PACRG: variants seen among roughly 807,000 people sequenced by gnomAD.
PACRG encodes parkin coregulated, also known as parkin coregulated gene protein.
Under a neutral mutation model 29.7 loss-of-function variants are expected in PACRG, and 29 were observed. That is an observed-to-expected ratio of 0.98 (90% CI 0.73 to 1.33). The LOEUF (loss-of-function observed/expected upper bound fraction) is 1.33. PACRG is among the 40% of genes most tolerant of loss of function. PACRG has a pLI of 0.00. For missense variants in PACRG, 279 were observed against 316.2 expected (o/e 0.88, Z 0.89); for synonymous variants, 116 against 118.7 (o/e 0.98, Z 0.15).
At chr6:162,776,999 G>A (rs185708191) in intron 1 of PACRG, among the ~76,000 whole-genome samples, 1 of 151,902 alleles carries the variant, frequency 6.6e-6, no homozygotes, top group African/African-American at 2.4e-5. Flanking sequence ...TCAGGTGCTG[G>A]GTGCACCTGA....
intron 2 of PACRG, among the ~76,000 whole-genome samples, chr6:162,874,895 A>G: frequency 6.6e-6 from 1 of 152,052 alleles, no homozygotes; most frequent in Non-Finnish European, 1.5e-5. Context: ...ACACACTTAC[A>G]TAAACATTCA....
chr6:163,297,772 G>T (rs539388033), intron 4 of PACRG, among the ~76,000 whole-genome samples: 33 of 152,294 alleles, frequency 2.2e-4, no homozygotes, highest in Admixed American at 5.9e-4. Flanking sequence ...ACCCAGAAGT[G>T]TGAGTTCTTG....
rs112325843 is a variant in PACRG at position 163,277,483 on chromosome 6, G to GTATATATA, written c.614-37339_614-37332dup. 7.5e-3 allele frequency among the ~76,000 whole-genome samples: 1,066 copies of GTATATATA among 142,144 alleles called. 8 individuals carry two copies. The highest frequency in any genetic ancestry group is 0.018 in the African/African-American group (694 of 37,974). The allele number at this position is 142,144 out of a possible 152,430, so 93.3% of individuals were successfully genotyped here. A position where few individuals can be genotyped will look rare whatever the true frequency, so the allele number is the denominator to read the frequency against. On this transcript the variant is annotated intron_variant, in intron 4 of 4. Coordinates refer to ENST00000366888, the MANE Select transcript of PACRG (RefSeq NM_001080379.2). Reference sequence around the variant, plus strand: ...TATCTCATGGTGTGTGTGTATGTGTGTATATATATATACACACATACACAC... The same window carrying GTATATATA: ...TATCTCATGGTGTGTGTGTATGTGTGTATATATATATATATATATACACACATACACAC...
intron 2 of PACRG, among the ~76,000 whole-genome samples, chr6:162,971,783 G>C (rs183021047): frequency 6.6e-6 from 1 of 152,146 alleles, no homozygotes; most frequent in African/African-American, 2.4e-5. Context: ...GGATCTCTGC[G>C]ATCAAGCCCT....
At chr6:163,025,316 G>T (rs914492718) in intron 2 of PACRG, among the ~76,000 whole-genome samples, 1 of 152,172 alleles carries the variant, frequency 6.6e-6, no homozygotes, top group African/African-American at 2.4e-5. Context: ...CTAACGATAT[G>T]ATTCTATACC....
intron 4 of PACRG, among the ~76,000 whole-genome samples, chr6:163,139,865 G>A (rs566041426): frequency 1.2e-3 from 188 of 152,214 alleles, no homozygotes; most frequent in African/African-American, 4.3e-3. Context: ...AACTAGATGC[G>A]TTTGCTAAGG....
chr6:162,774,883 C>T (rs1409101326), intron 1 of PACRG, among the ~76,000 whole-genome samples: 1 of 152,034 alleles, frequency 6.6e-6, no homozygotes, highest in Non-Finnish European at 1.5e-5. Flanking sequence ...ACTAGAAATC[C>T]CTGAAGACTG....
At chr6:163,111,070 G>A (rs1314027647) in intron 4 of PACRG, among the ~76,000 whole-genome samples, 1 of 151,950 alleles carries the variant, frequency 6.6e-6, no homozygotes, top group Non-Finnish European at 1.5e-5. Context: ...CTCAGTGCAT[G>A]TTGTCATTTA....
intron 2 of PACRG, among the ~76,000 whole-genome samples, chr6:162,935,454 T>C (rs6931846): frequency 0.54 from 79,877 of 149,014 alleles, 22,046 homozygotes; most frequent in Middle Eastern, 0.7. Context: ...AGAAATTCTT[T>C]TTATTCCTGC....
intron 2 of PACRG, among the ~76,000 whole-genome samples, chr6:162,898,472 C>G (rs573314797): frequency 5.9e-5 from 9 of 152,274 alleles, no homozygotes; most frequent in African/African-American, 2.2e-4. Context: ...AAAATAATGC[C>G]TAAATACATA....
chr6:162,925,336 TAA>T (rs1797355475), intron 2 of PACRG, among the ~76,000 whole-genome samples: 1 of 151,924 alleles, frequency 6.6e-6, no homozygotes, highest in Admixed American at 6.6e-5. Flanking sequence ...CATCCTGACA[TAA>T]AACCCTGGCA....
intron 4 of PACRG, among the ~76,000 whole-genome samples, chr6:163,130,833 G>C (rs898291666): frequency 1.3e-5 from 2 of 152,176 alleles, no homozygotes; most frequent in African/African-American, 4.8e-5. Context: ...AACGTTACTG[G>C]GCCAGAAGCA....
At chr6:162,873,746 C>T (rs544496106) in intron 2 of PACRG, among the ~76,000 whole-genome samples, 1 of 152,204 alleles carries the variant, frequency 6.6e-6, no homozygotes, top group African/African-American at 2.4e-5. Context: ...ACCAATTCGG[C>T]ACCAAAACTT....
At chr6:162,880,444 A>T (rs1240619352) in intron 2 of PACRG, among the ~76,000 whole-genome samples, 10 of 151,996 alleles carry the variant, frequency 6.6e-5, no homozygotes, top group African/African-American at 2.4e-4. Context: ...GAGCAAAGGA[A>T]CAACAACAAC....
At chr6:162,772,010 GA>G (rs1783259736) in intron 1 of PACRG, among the ~76,000 whole-genome samples, 1 of 152,132 alleles carries the variant, frequency 6.6e-6, no homozygotes, top group South Asian at 2.1e-4. Context: ...GTTGATGATA[GA>G]AAGAATTTGT....
chr6:162,853,950 A>G lies in PACRG; in HGVS notation c.291+39669A>G, dbSNP rs1015444031. Among the ~76,000 whole-genome samples, 3 of 152,050 alleles carry G rather than the reference A, an allele frequency of 2.0e-5. No homozygotes were observed. Among genetic ancestry groups the G allele is most frequent in the Non-Finnish European group, 4.4e-5 (3 of 68,000 alleles). On this transcript the variant is annotated intron_variant, in intron 2 of 4. Transcript: ENST00000366888. This position sits in a 1 kb window ranked among gnomAD's most constrained non-coding sequence, Gnocchi z 4.7. ...TGGGTCCATGCTAGGTATAAATATTAACTATTATTATTAATATCATTAGTA... is the reference window on the plus strand; with the variant it reads ...TGGGTCCATGCTAGGTATAAATATTGACTATTATTATTAATATCATTAGTA...
chr6:163,036,288 T>G (rs1808179660), intron 2 of PACRG, among the ~76,000 whole-genome samples: 1 of 152,232 alleles, frequency 6.6e-6, no homozygotes. Context: ...TCTCTCATTT[T>G]CCATAGTTCC....
At chr6:163,115,647 A>G (rs2128321816) in intron 4 of PACRG, among the ~76,000 whole-genome samples, 1 of 152,248 alleles carries the variant, frequency 6.6e-6, no homozygotes, top group South Asian at 2.1e-4. Flanking sequence ...AAAAACAAGC[A>G]GGACGAGGCT....
At chr6:163,302,065 C>A (rs916623076) in intron 4 of PACRG, among the ~76,000 whole-genome samples, 2 of 152,166 alleles carry the variant, frequency 1.3e-5, no homozygotes, top group Admixed American at 6.5e-5. Context: ...GTAACTCGGA[C>A]AAATAAACAT....
Sources: gnomAD v4.1 joint callset for allele counts (sites outside exome capture counted in the v4.1 genomes callset) on GRCh38, gnomAD v4.1.1 for gene constraint, Gnocchi (gnomAD v3.1) non-coding constraint, MANE v1.5 for transcripts, NCBI Gene and HGNC (gene_info 2026-07-23, HGNC 2026-07-21) for gene names.